Variants in CNTNAP2 observed in about 807,000 individuals in gnomAD.
CNTNAP2 encodes contactin-associated protein-like 2.
CNTNAP2 carries 98 observed loss-of-function variants against 155.2 expected under a neutral mutation model. That is an observed-to-expected ratio of 0.63 (90% confidence interval 0.54 to 0.75). The LOEUF (loss-of-function observed/expected upper bound fraction) is 0.75. Ranked by LOEUF, CNTNAP2 falls within the 30% of genes least tolerant of loss-of-function variation. CNTNAP2 has a pLI of 0.00. For synonymous variants in CNTNAP2, 651 were observed against 631.2 expected (o/e 1.03, Z -0.47); for missense variants, 1,727 against 1,688.1 (o/e 1.02, Z -0.40).
chr7:146,405,478 T>G (rs1408362719), intron 1 of CNTNAP2, among the ~76,000 whole-genome samples: 2 of 152,232 alleles, frequency 1.3e-5, no homozygotes, highest in South Asian at 2.1e-4. Context: ...ACACTTTCAT[T>G]TGATGTGATC....
At chr7:147,866,256 G>C (rs1222761412) in intron 13 of CNTNAP2, among the ~76,000 whole-genome samples, 1 of 148,148 alleles carries the variant, frequency 6.8e-6, no homozygotes, top group African/African-American at 2.5e-5. Flanking sequence ...TTAATGCTGA[G>C]TTCTAAATTG....
intron 1 of CNTNAP2, among the ~76,000 whole-genome samples, chr7:146,668,624 G>C (rs979845878): frequency 6.6e-6 from 1 of 152,044 alleles, no homozygotes; most frequent in East Asian, 1.9e-4. Flanking sequence ...AAGCCATCCA[G>C]TTAAGTACTT....
intron 20 of CNTNAP2, among the ~76,000 whole-genome samples, chr7:148,241,346 T>C (rs1796155930): frequency 1.3e-5 from 2 of 152,194 alleles, no homozygotes; most frequent in African/African-American, 4.8e-5. Context: ...ACCAACAGGC[T>C]CTTTGGGACT....
intron 8 of CNTNAP2, among the ~76,000 whole-genome samples, chr7:147,147,502 A>G (rs764003242): frequency 2.6e-5 from 4 of 152,192 alleles, no homozygotes; most frequent in Non-Finnish European, 5.9e-5. Flanking sequence ...TGTGTCCCTT[A>G]GAGCTCTAAG....
intron 22 of CNTNAP2, among the ~76,000 whole-genome samples, chr7:148,388,478 C>T (rs1799268873): frequency 6.6e-6 from 1 of 152,098 alleles, no homozygotes; most frequent in African/African-American, 2.4e-5. Context: ...ATGAACTCAT[C>T]ATTTTTTATG....
intron 1 of CNTNAP2, among the ~76,000 whole-genome samples, chr7:146,377,582 C>G (rs1200361758): frequency 6.6e-6 from 1 of 152,120 alleles, no homozygotes; most frequent in Non-Finnish European, 1.5e-5. Context: ...CAAGGAGTAA[C>G]TCTAGACCCC....
chr7:146,349,263 C>T (rs914816158), intron 1 of CNTNAP2, among the ~76,000 whole-genome samples: 4 of 138,770 alleles, frequency 2.9e-5, no homozygotes, highest in Non-Finnish European at 4.4e-5. Context: ...CGAGGTCATA[C>T]ATAGGTGTCC....
intron 18 of CNTNAP2, among the ~76,000 whole-genome samples, chr7:148,208,281 T>A (rs1435671509): frequency 6.6e-6 from 1 of 152,132 alleles, no homozygotes; most frequent in Non-Finnish European, 1.5e-5. Context: ...TTGGTCAAAC[T>A]AGAAAATTCG....
chr7:147,014,578 A>G (rs1294688278), intron 3 of CNTNAP2, among the ~76,000 whole-genome samples: 3 of 152,238 alleles, frequency 2.0e-5, no homozygotes, highest in African/African-American at 7.2e-5. Flanking sequence ...AATATTTAAT[A>G]TTTTCTCTTT....
At chr7:148,180,942 C>G (rs190010322) in intron 18 of CNTNAP2, among the ~76,000 whole-genome samples, 1 of 152,272 alleles carries the variant, frequency 6.6e-6, no homozygotes, top group Admixed American at 6.5e-5. Context: ...AAGGCATTAT[C>G]CTGTCTGCTA....
At chr7:146,738,407 T>C (rs756633509) in intron 1 of CNTNAP2, among the ~76,000 whole-genome samples, 7 of 152,052 alleles carry the variant, frequency 4.6e-5, no homozygotes, top group Non-Finnish European at 8.8e-5. Context: ...GTATTTTGAA[T>C]GTTAACCTTT....
intron 13 of CNTNAP2, among the ~76,000 whole-genome samples, chr7:147,729,415 C>T (rs955157872): frequency 3.6e-4 from 16 of 45,026 alleles, no homozygotes; most frequent in Non-Finnish European, 5.4e-4. Flanking sequence ...TGCACACACA[C>T]GCACACACAC....
intron 1 of CNTNAP2, among the ~76,000 whole-genome samples, chr7:146,512,096 CT>C (rs1461311051): frequency 1.3e-5 from 2 of 151,790 alleles, no homozygotes; most frequent in Non-Finnish European, 2.9e-5. Flanking sequence ...TATAATCATC[CT>C]TTGTATTTTG....
chr7:147,118,798 C>T (rs1391416656), intron 5 of CNTNAP2, among the ~76,000 whole-genome samples: 2 of 152,024 alleles, frequency 1.3e-5, no homozygotes. Flanking sequence ...ATGTTAACAC[C>T]ATTATATATG....
chr7:146,679,122 T>C (rs1407200304), intron 1 of CNTNAP2, among the ~76,000 whole-genome samples: 1 of 152,160 alleles, frequency 6.6e-6, no homozygotes, highest in Admixed American at 6.6e-5. Context: ...TTAAGCCTAG[T>C]ACCCATTAGT....
In CNTNAP2 at chr7:147,308,253, A is replaced by G. The variant is rs537685357; in HGVS notation, c.1498+7963A>G. 5.4e-4 allele frequency among the ~76,000 whole-genome samples: 82 copies of G among 152,160 alleles called. 1 individual carries two copies. The highest frequency in any genetic ancestry group is 3.6e-3 in the Admixed American group (55 of 15,280). ...AGGAAAGGGAGTCAGTGTGGCTGAGAAAAGGTGAGGTTGGATTGTGAAGGG... is the reference window on the plus strand; with the variant it reads ...AGGAAAGGGAGTCAGTGTGGCTGAGGAAAGGTGAGGTTGGATTGTGAAGGG... On this transcript the variant is annotated intron_variant, in intron 9 of 23. Transcript: ENST00000361727.
intron 21 of CNTNAP2, among the ~76,000 whole-genome samples, chr7:148,331,142 T>A (rs1346751917): frequency 7.5e-6 from 1 of 134,014 alleles, no homozygotes; most frequent in Non-Finnish European, 1.6e-5. Flanking sequence ...GATGGATGGA[T>A]GGAGTGGACA....
chr7:146,591,718 A>C (rs1798786420), intron 1 of CNTNAP2, among the ~76,000 whole-genome samples: 1 of 152,094 alleles, frequency 6.6e-6, no homozygotes, highest in Non-Finnish European at 1.5e-5. Flanking sequence ...TTATGCTTTT[A>C]TCTTCTTTGT....
At chr7:148,075,352 G>A (rs974945820) in intron 15 of CNTNAP2, among the ~76,000 whole-genome samples, 2 of 151,984 alleles carry the variant, frequency 1.3e-5, no homozygotes, top group Non-Finnish European at 2.9e-5. Flanking sequence ...CAAGAGAATC[G>A]CTTGAACCCG....
Sources: allele counts gnomAD v4.1 joint callset (sites outside exome capture counted in the v4.1 genomes callset), GRCh38; gene constraint gnomAD v4.1.1; transcripts MANE v1.5; gene names NCBI Gene and HGNC (gene_info 2026-07-23, HGNC 2026-07-21).